The following RBMS3 variants were observed in gnomAD, a reference collection of about 807,000 sequenced individuals.
RBMS3 encodes the protein RNA binding motif single stranded interacting protein 3.
A neutral mutation model predicts 66.8 loss-of-function variants in RBMS3; 27 were observed. The ratio of observed to expected loss-of-function variants is 0.40; its 90% CI spans 0.30 to 0.56. The LOEUF is 0.56. Among genes scored for constraint, RBMS3 ranks in the 20% least tolerant of loss-of-function variants. RBMS3 has a pLI of 0.40. For missense variants in RBMS3, 513 were observed against 549.5 expected (o/e 0.93, Z 0.66); for synonymous variants, 188 against 183.0 (o/e 1.03, Z -0.22).
At chr3:29,376,652 A>C (rs1456935860) in intron 1 of RBMS3, among the ~76,000 whole-genome samples, 1 of 152,196 alleles carries the variant, frequency 6.6e-6, no homozygotes, top group Non-Finnish European at 1.5e-5. Flanking sequence ...TCATGCCTGT[A>C]ATCCCAGCAC....
chr3:29,448,723 G>A (rs1001206005), intron 2 of RBMS3, among the ~76,000 whole-genome samples: 17 of 152,112 alleles, frequency 1.1e-4, no homozygotes, highest in Admixed American at 9.8e-4. Flanking sequence ...TACATCCTGG[G>A]AAACTCTTAA....
At chr3:29,488,721 A>G (rs2043415906) in intron 3 of RBMS3, among the ~76,000 whole-genome samples, 1 of 152,238 alleles carries the variant, frequency 6.6e-6, no homozygotes. Flanking sequence ...CAGAACAAGT[A>G]TCAAATTGCT....
At chr3:29,816,585 C>T (rs2057910793) in intron 6 of RBMS3, among the ~76,000 whole-genome samples, 1 of 152,184 alleles carries the variant, frequency 6.6e-6, no homozygotes, top group South Asian at 2.1e-4. Flanking sequence ...TCAATGCAGC[C>T]AAGCCCAGAA....
chr3:29,914,864 C>T (rs1247280664), intron 10 of RBMS3, among the ~76,000 whole-genome samples: 2 of 151,772 alleles, frequency 1.3e-5, no homozygotes, highest in Non-Finnish European at 2.9e-5. Flanking sequence ...ATTTTGCAAA[C>T]ATTTCAGGAA....
chr3:29,467,315 T>G (rs563418575), intron 2 of RBMS3, among the ~76,000 whole-genome samples: 3 of 152,232 alleles, frequency 2.0e-5, no homozygotes, highest in Admixed American at 1.3e-4. Context: ...AATTGCAGGG[T>G]TTTACTAACC....
At chr3:29,886,451 T>G (rs2059873710) in intron 8 of RBMS3, among the ~76,000 whole-genome samples, 1 of 151,792 alleles carries the variant, frequency 6.6e-6, no homozygotes, top group South Asian at 2.1e-4. Flanking sequence ...GAAGGCTATA[T>G]GGAAGCAATG....
chr3:29,979,542 C>T lies in RBMS3; in HGVS notation c.1099-8601C>T, dbSNP rs553487350. ...ATGGTGGTTTGCTGCATCCATCAAC[C>T]CGTCATCTACATTAGGTATTTCTCC... On this transcript the variant is annotated intron_variant, in intron 12 of 14. Transcript: ENST00000383767. Among the ~76,000 whole-genome samples, 9 of 152,164 alleles carry T rather than the reference C, an allele frequency of 5.9e-5. No individual in the cohort carries two copies. In the South Asian group the frequency reaches 1.0e-3, roughly 18 times the overall value.
At chr3:29,678,190 A>G (rs918792616) in intron 4 of RBMS3, among the ~76,000 whole-genome samples, 6 of 152,180 alleles carry the variant, frequency 3.9e-5, no homozygotes, top group African/African-American at 1.2e-4. Context: ...GATTCATTGA[A>G]ACCTTGGTTG....
intron 4 of RBMS3, among the ~76,000 whole-genome samples, chr3:29,734,224 T>C (rs569272705): frequency 6.6e-6 from 1 of 152,198 alleles, no homozygotes; most frequent in South Asian, 2.1e-4. Flanking sequence ...AGTAGAACTA[T>C]GGTTACTAGA....
intron 4 of RBMS3, among the ~76,000 whole-genome samples, chr3:29,651,234 T>G (rs2149213662): frequency 6.6e-6 from 1 of 152,272 alleles, no homozygotes; most frequent in South Asian, 2.1e-4. Context: ...CTGAGGGAAT[T>G]AATACATGTA....
intron 4 of RBMS3, among the ~76,000 whole-genome samples, chr3:29,704,143 T>C (rs1448540356): frequency 6.6e-6 from 1 of 152,324 alleles, no homozygotes; most frequent in East Asian, 1.9e-4. Flanking sequence ...TTTTATTATA[T>C]ATTACAATGT....
chr3:29,361,492 A>T lies in RBMS3; in HGVS notation c.76-73251A>T, dbSNP rs201531603. Among the ~76,000 whole-genome samples the T allele has an allele frequency of 6.6e-5, 10 of 152,110 alleles. 1 individual carries two copies. In the East Asian group the frequency reaches 1.9e-3, roughly 29 times the overall value. ...GTCTGCCCTTAACATTTTTTCCTTC[A>T]TTTCAACTTTGGCGAATCTGACAAT... On this transcript the variant is annotated intron_variant, in intron 1 of 14. Coordinates refer to ENST00000383767, the MANE Select transcript of RBMS3 (RefSeq NM_001003793.3).
intron 2 of RBMS3, among the ~76,000 whole-genome samples, chr3:29,476,822 T>G (rs982488088): frequency 6.6e-6 from 1 of 152,192 alleles, no homozygotes; most frequent in Non-Finnish European, 1.5e-5. Context: ...TTTTGCCTTT[T>G]GTGGGTTCTG....
intron 6 of RBMS3, among the ~76,000 whole-genome samples, chr3:29,857,777 G>A (rs1474231041): frequency 6.6e-6 from 1 of 151,966 alleles, no homozygotes; most frequent in African/African-American, 2.4e-5. Context: ...AGACGAGATC[G>A]GGCGCGTTCA....
At chr3:29,768,407 A>T (rs983203640) in intron 6 of RBMS3, among the ~76,000 whole-genome samples, 2 of 151,942 alleles carry the variant, frequency 1.3e-5, no homozygotes, top group Non-Finnish European at 2.9e-5. Flanking sequence ...AGAAGAGGTG[A>T]TTAAATTTCT....
At chr3:29,596,191 T>G (rs1387673592) in intron 4 of RBMS3, among the ~76,000 whole-genome samples, 1 of 152,232 alleles carries the variant, frequency 6.6e-6, no homozygotes, top group Non-Finnish European at 1.5e-5. Flanking sequence ...TATAATTGCT[T>G]TCTGCATTTT....
intron 10 of RBMS3, among the ~76,000 whole-genome samples, chr3:29,932,216 A>C (rs934665521): frequency 6.6e-6 from 1 of 152,194 alleles, no homozygotes; most frequent in East Asian, 1.9e-4. Context: ...AGGTCAGCCC[A>C]TCAAAAATGC....
chr3:29,844,668 C>A (rs2058737632), intron 6 of RBMS3, among the ~76,000 whole-genome samples: 1 of 152,166 alleles, frequency 6.6e-6, no homozygotes, highest in Non-Finnish European at 1.5e-5. Context: ...TTCAAACAAT[C>A]CAGCATTTCC....
intron 3 of RBMS3, among the ~76,000 whole-genome samples, chr3:29,533,918 C>G (rs1314298890): frequency 6.6e-6 from 1 of 152,220 alleles, no homozygotes; most frequent in East Asian, 1.9e-4. Flanking sequence ...TAAGTATTCA[C>G]CAAGTGTTTC....
Sources: allele counts gnomAD v4.1 joint callset (sites outside exome capture counted in the v4.1 genomes callset), GRCh38; gene constraint gnomAD v4.1.1; transcripts MANE v1.5; gene names NCBI Gene and HGNC (gene_info 2026-07-23, HGNC 2026-07-21).